The following ALDH9A1 variants were observed in gnomAD, a reference collection of about 807,000 sequenced individuals.
The protein encoded by ALDH9A1 is aldehyde dehydrogenase 9 family member A1, also known as 4-trimethylaminobutyraldehyde dehydrogenase.
Under a neutral mutation model 56.6 loss-of-function variants are expected in ALDH9A1, and 42 were observed. The observed-to-expected ratio is 0.74, with a 90% CI of 0.58 to 0.96. The LOEUF is 0.96. Among genes scored for constraint, ALDH9A1 ranks in the 40% least tolerant of loss-of-function variants. The pLI is 0.00. For missense variants in ALDH9A1, 661 were observed against 651.5 expected (o/e 1.01, Z -0.16); for synonymous variants, 242 against 236.0 (o/e 1.03, Z -0.23).
chr1:165,695,316 A>AT lies in ALDH9A1; in HGVS notation c.262dup (p.Ile88AsnfsTer27). The AT allele has an allele frequency of 6.2e-7, 1 of 1,613,248 alleles. No homozygotes were observed. The highest frequency in any genetic ancestry group is 8.5e-7 in the Non-Finnish European group (1 of 1,179,620). On this transcript the variant is annotated frameshift_variant, in exon 2 of 11. Transcript: ENST00000354775. LOFTEE classifies it high-confidence loss of function. ...CTCCATGCCAGATTTTTGACTCCAT[A>AT]TTTTAAAAGCAGCCTTTGCATTTTG...
At position 165,679,439 on chromosome 1, in the gene ALDH9A1, T is replaced by C; in HGVS notation, c.930+3A>G. On this transcript the variant is annotated splice_donor_region_variant and intron_variant, in intron 6 of 10. Coordinates refer to ENST00000354775, the MANE Select transcript of ALDH9A1 (RefSeq NM_000696.4). ...TACACCTCTTCCAGGGACAGGTACA[T>C]ACCTGGCCTTGTGTGAGGAAGTTGG... The C allele has an allele frequency of 6.2e-7, 1 of 1,614,124 alleles. No homozygotes were observed.
At chr1:165,670,414 A>G (rs191965906) in intron 6 of ALDH9A1, among the ~76,000 whole-genome samples, 114 of 149,162 alleles carry the variant, frequency 7.6e-4, no homozygotes, top group African/African-American at 2.6e-3. Context: ...TCCAGCCTGC[A>G]TGAGAGAGCG....
chr1:165,677,780 C>A (rs1649411039), intron 6 of ALDH9A1, among the ~76,000 whole-genome samples: 1 of 149,158 alleles, frequency 6.7e-6, no homozygotes, highest in African/African-American at 2.5e-5. Context: ...ATGGCATGAA[C>A]CCAGGAGACA....
At chr1:165,688,265 TA>T (rs1319545112) in intron 2 of ALDH9A1, among the ~76,000 whole-genome samples, 1 of 152,124 alleles carries the variant, frequency 6.6e-6, no homozygotes, top group Admixed American at 6.6e-5. Context: ...CATAGTGAGC[TA>T]TGATTCCACT....
At chr1:165,667,211 G>T in intron 9 of ALDH9A1, 98 bp downstream of exon 9, 1 of 1,490,036 alleles carries the variant, frequency 6.7e-7, no homozygotes, top group South Asian at 1.3e-5. Flanking sequence ...GCTCCTATGA[G>T]GGCAAACTAA....
chr1:165,682,004 T>C (rs1414811727), intron 4 of ALDH9A1, 103 bp downstream of exon 4: 2 of 1,476,086 alleles, frequency 1.4e-6, no homozygotes, highest in African/African-American at 2.8e-5. Flanking sequence ...CCCCTTCCGA[T>C]TTAAAGTGTG....
At chr1:165,678,267 G>A (rs6683665) in intron 6 of ALDH9A1, among the ~76,000 whole-genome samples, 61,703 of 151,652 alleles carry the variant, frequency 0.41, 12,763 homozygotes, top group Middle Eastern at 0.5. Flanking sequence ...CTGGGAGGCA[G>A]AGGATGCAGT....
intron 2 of ALDH9A1, among the ~76,000 whole-genome samples, chr1:165,686,981 C>T (rs1649729337): frequency 6.6e-6 from 1 of 152,012 alleles, no homozygotes; most frequent in Non-Finnish European, 1.5e-5. Context: ...AAAACATAAG[C>T]ATGTTAAGGA....
At chr1:165,695,229 G>C (rs750095442) in intron 2 of ALDH9A1, 23 bp downstream of exon 2, 1 of 1,578,650 alleles carries the variant, frequency 6.3e-7, no homozygotes, top group Non-Finnish European at 8.6e-7. Flanking sequence ...CTGAGTTCTG[G>C]AAGGAAATAA....
chr1:165,666,899 G>GA (rs1165547318), intron 9 of ALDH9A1, among the ~76,000 whole-genome samples: 3 of 152,022 alleles, frequency 2.0e-5, no homozygotes, highest in Non-Finnish European at 4.4e-5. Context: ...TCCAACCACA[G>GA]AAAAAATGGC....
intron 8 of ALDH9A1, 110 bp from the exon 9 acceptor site, chr1:165,667,560 C>T: frequency 8.3e-7 from 1 of 1,207,334 alleles, no homozygotes; most frequent in Non-Finnish European, 1.2e-6. Context: ...AGTCTGGTCT[C>T]AAACACCTGG....
At chr1:165,674,089 C>T (rs1219012171) in intron 6 of ALDH9A1, among the ~76,000 whole-genome samples, 1 of 152,026 alleles carries the variant, frequency 6.6e-6, no homozygotes, top group African/African-American at 2.4e-5. Context: ...AATGCATCAA[C>T]ATGCTAAAAG....
intron 2 of ALDH9A1, among the ~76,000 whole-genome samples, chr1:165,694,578 C>T (rs1359482391): frequency 6.6e-6 from 1 of 151,902 alleles, no homozygotes; most frequent in East Asian, 1.9e-4. Context: ...AAAACCCTAT[C>T]TGAAAACAAA....
chr1:165,663,014 C>A lies in ALDH9A1; in HGVS notation c.*36G>T. 1 of 1,560,618 alleles carries A rather than the reference C, an allele frequency of 6.4e-7. No individual in the cohort carries two copies. The highest frequency in any genetic ancestry group is 2.2e-5 in the East Asian group (1 of 44,624). ...AACAGGGCCAATTCACATCATTCCA[C>A]AGCGTGGCCATGTCAATAGGTTTCA... On this transcript the variant is annotated 3_prime_UTR_variant, in exon 11 of 11. Transcript: ENST00000354775.
intron 6 of ALDH9A1, among the ~76,000 whole-genome samples, chr1:165,679,120 C>T (rs1394203602): frequency 6.6e-6 from 1 of 152,020 alleles, no homozygotes; most frequent in Non-Finnish European, 1.5e-5. Context: ...CTAAGTGTAC[C>T]GTGCTTATGT....
At position 165,683,548 on chromosome 1, in the gene ALDH9A1, G is replaced by A. The variant is rs185342457; in HGVS notation, c.328-438C>T. 5.9e-5 allele frequency among the ~76,000 whole-genome samples: 9 copies of A among 152,294 alleles called. No individual in the cohort carries two copies. The East Asian group carries it at 1.2e-3, about 20-fold the overall frequency. On this transcript the variant is annotated intron_variant, in intron 2 of 10. Transcript: ENST00000354775. ...AAATGAATGTAATACGTACATGTAC[G>A]TAAATATGTATGTTTGCTCATATAT... is the stretch of plus-strand genomic sequence containing the variant.
rs571861115 is a variant in ALDH9A1 at position 165,682,118 on chromosome 1, G to A, written c.581C>T (p.Ala194Val). The A allele has an allele frequency of 7.9e-5, 127 of 1,614,082 alleles. 1 individual carries two copies. In the South Asian group the frequency reaches 1.4e-3, roughly 17 times the overall value. Residue 194 changes from alanine (A) to valine (V), a missense_variant, in exon 4 of 11, where the codon GCA (alanine) becomes GTA (valine). Physicochemically the swap from Ala to Val is moderately conservative, Grantham distance 64. Transcript: ENST00000354775. ...TAATTCATTCTTACCACAGGCTAAT[G>A]CTGGAGCCGACTTCCAAGAGGCAAT... The part of the protein sequence containing the change: ...FQIASWKSAP[A>V]LACGNAMVFK...
rs758920119 is a variant in ALDH9A1, at chr1:165,665,122, T to G, written c.1358A>C (p.Gln453Pro). The G allele has an allele frequency of 6.2e-7, 1 of 1,613,602 alleles. No individual in the cohort carries two copies. The highest frequency in any genetic ancestry group is 1.7e-5 in the Admixed American group (1 of 59,964). The change falls in exon 10 of 11, where the codon CAA becomes CCA. Residue 453 changes from glutamine (Q) to proline (P), a missense_variant. By Grantham distance (76) the Gln-to-Pro change is moderately conservative. Coordinates refer to ENST00000354775, the MANE Select transcript of ALDH9A1 (RefSeq NM_000696.4). Reference protein sequence around the residue: ...LAAGVFTRDIQRAHRVVAELQ... With the variant: ...LAAGVFTRDIPRAHRVVAELQ... ...CTCAGCTACCACTCTATGAGCCCGT[T>G]GGATGTCCCTATGAAGAAAAAAAAA...
rs146792904 is a variant in ALDH9A1, at chr1:165,695,395, G to T, written c.184C>A (p.Arg62=). The change falls in exon 2 of 11, where the codon CGA becomes AGA. Residue 62 remains arginine, a splice_region_variant and synonymous_variant. Coordinates refer to ENST00000354775, the MANE Select transcript of ALDH9A1 (RefSeq NM_000696.4). ...TEKAFEPATG[R]VIATFTCSGE... is the part of the protein sequence containing the mutation. ...GAACATGTGAAAGTAGCTATCACTC[G>T]GCCTATAAAGAGCGGAAACATCAGT... is the stretch of plus-strand genomic sequence containing the variant. The T allele has an allele frequency of 2.5e-6, 4 of 1,596,312 alleles. No homozygotes were observed. The highest frequency in any genetic ancestry group is 3.4e-6 in the Non-Finnish European group (4 of 1,173,632).
Sources: gnomAD v4.1 joint callset for allele counts (sites outside exome capture counted in the v4.1 genomes callset) on GRCh38, gnomAD v4.1.1 for gene constraint, MANE v1.5 for transcripts, NCBI Gene and HGNC (gene_info 2026-07-23, HGNC 2026-07-21) for gene names.